Variants in EFCAB6 observed in about 807,000 individuals in gnomAD.
EFCAB6 encodes the protein EF-hand calcium-binding domain-containing protein 6.
In EFCAB6, 156 loss-of-function variants were observed where a neutral mutation model predicts 169.8. The ratio of observed to expected loss-of-function variants is 0.92; its 90% CI spans 0.81 to 1.05. The LOEUF (loss-of-function observed/expected upper bound fraction) is 1.05, where lower values mean the gene tolerates loss of function less well. Ranked by LOEUF, EFCAB6 falls within the 50% of genes least tolerant of loss-of-function variation. The pLI, the probability that EFCAB6 is intolerant of heterozygous loss-of-function variation, is 0.00. For missense variants in EFCAB6, 1,800 were observed against 1,829.1 expected (o/e 0.98, Z 0.29); for synonymous variants, 698 against 676.4 (o/e 1.03, Z -0.50).
chr22:43,714,636 A>G (rs4823091), intron 9 of EFCAB6, among the ~76,000 whole-genome samples: 133,657 of 151,986 alleles, frequency 0.88, 58,817 homozygotes, highest in East Asian at 0.99. Context: ...ATCCAATGCT[A>G]GAAGACAATG....
chr22:43,591,111 GTTTTTT>G (rs67053426), intron 23 of EFCAB6, among the ~76,000 whole-genome samples: 5 of 131,092 alleles, frequency 3.8e-5, no homozygotes, highest in Admixed American at 7.3e-5. Flanking sequence ...TTTGTTTTTT[GTTTTTT>G]TTTTTTGTTT....
Position 43,539,988 on chromosome 22 carries a change from C to T in EFCAB6, c.3879+139G>A. The T allele has an allele frequency of 1.3e-5, 11 of 867,796 alleles. No individual in the cohort carries two copies. In the South Asian group the frequency reaches 1.7e-4, roughly 13 times the overall value. The allele number at this position is 867,796 out of a possible 1,614,324, so 53.8% of individuals were successfully genotyped here. On this transcript the variant is annotated intron_variant, in intron 28 of 31. Coordinates refer to ENST00000262726, the MANE Select transcript of EFCAB6 (RefSeq NM_022785.4). ...TAAGGACCTGCCAGTGGGATCCTTG[C>T]ATGTGCCCCCACCCCAGACTCACCC... is the stretch of plus-strand genomic sequence containing the variant.
intron 2 of EFCAB6, among the ~76,000 whole-genome samples, chr22:43,805,223 A>G (rs2062875485): frequency 6.6e-6 from 1 of 152,250 alleles, no homozygotes; most frequent in Non-Finnish European, 1.5e-5. Context: ...TGAAGAGGAC[A>G]CCAAAAAACA....
intron 3 of EFCAB6, among the ~76,000 whole-genome samples, chr22:43,775,189 G>A (rs376160044): frequency 6.6e-6 from 1 of 152,168 alleles, no homozygotes; most frequent in East Asian, 1.9e-4. Context: ...TGGCCTGGGT[G>A]GCTGGGCAGG....
At chr22:43,646,030 C>T (rs1008384180) in intron 17 of EFCAB6, among the ~76,000 whole-genome samples, 17 of 152,118 alleles carry the variant, frequency 1.1e-4, no homozygotes, top group African/African-American at 3.1e-4. Context: ...GCGTGTTCTG[C>T]GGGCAGTGAA....
intron 8 of EFCAB6, among the ~76,000 whole-genome samples, chr22:43,725,290 C>T (rs1023440324): frequency 6.6e-6 from 1 of 152,132 alleles, no homozygotes; most frequent in East Asian, 1.9e-4. Flanking sequence ...TACAGGCATG[C>T]GCCACCACGC....
At chr22:43,569,870 G>A (rs1199485977) in intron 26 of EFCAB6, among the ~76,000 whole-genome samples, 1 of 152,158 alleles carries the variant, frequency 6.6e-6, no homozygotes, top group Non-Finnish European at 1.5e-5. Context: ...GTAAATAACA[G>A]TAATGCTAAT....
At chr22:43,565,493 G>C (rs755950884) in intron 26 of EFCAB6, among the ~76,000 whole-genome samples, 44 of 152,334 alleles carry the variant, frequency 2.9e-4, no homozygotes, top group Non-Finnish European at 2.9e-4. Context: ...TTAGGCATCA[G>C]TGTTCCACGA....
At chr22:43,540,436 G>A (rs761170775) in intron 27 of EFCAB6, 79 bp from the exon 28 acceptor site, 16 of 1,599,470 alleles carry the variant, frequency 1.0e-5, no homozygotes, top group Non-Finnish European at 1.3e-5. Flanking sequence ...CGAGAAGTGG[G>A]ACAGGCCGGC....
chr22:43,587,997 T>C (rs917926939), intron 24 of EFCAB6, among the ~76,000 whole-genome samples: 34 of 152,344 alleles, frequency 2.2e-4, no homozygotes, highest in Admixed American at 1.8e-3. Context: ...ACTCAAATAT[T>C]ACATGAGACA....
chr22:43,623,514 A>G (rs193216716), intron 20 of EFCAB6, among the ~76,000 whole-genome samples: 1 of 152,154 alleles, frequency 6.6e-6, no homozygotes, highest in African/African-American at 2.4e-5. Context: ...AACATTTTCC[A>G]AAGTATTGTG....
chr22:43,683,189 G>A (rs956234225), intron 12 of EFCAB6, among the ~76,000 whole-genome samples: 1 of 152,272 alleles, frequency 6.6e-6, no homozygotes, highest in South Asian at 2.1e-4. Context: ...ATGTTGCTGC[G>A]TATCAAAAGG....
intron 2 of EFCAB6, among the ~76,000 whole-genome samples, chr22:43,807,920 T>G (rs1021024792): frequency 6.6e-6 from 1 of 152,122 alleles, no homozygotes; most frequent in Non-Finnish European, 1.5e-5. Flanking sequence ...AATCAAAACC[T>G]TTGACGTCAA....
At chr22:43,784,452 A>G (rs2061936935) in intron 2 of EFCAB6, among the ~76,000 whole-genome samples, 1 of 146,340 alleles carries the variant, frequency 6.8e-6, no homozygotes, top group Non-Finnish European at 1.5e-5. Flanking sequence ...GGAGATCAAG[A>G]CCACCCTGGG....
intron 23 of EFCAB6, among the ~76,000 whole-genome samples, chr22:43,595,688 A>C (rs2051944651): frequency 6.6e-6 from 1 of 152,098 alleles, no homozygotes; most frequent in Admixed American, 6.5e-5. Context: ...ACTAATACCA[A>C]CTCTACCCAA....
chr22:43,779,307 T>C (rs991796117), intron 3 of EFCAB6, among the ~76,000 whole-genome samples: 4 of 152,238 alleles, frequency 2.6e-5, no homozygotes, highest in African/African-American at 9.6e-5. Context: ...ATTTATTTGC[T>C]TATTTGATGT....
At chr22:43,640,285 A>C (rs1218308044) in intron 17 of EFCAB6, among the ~76,000 whole-genome samples, 1 of 152,136 alleles carries the variant, frequency 6.6e-6, no homozygotes, top group African/African-American at 2.4e-5. Flanking sequence ...ATATGTTATA[A>C]ATCTTTATAT....
intron 9 of EFCAB6, 112 bp from the exon 10 acceptor site, chr22:43,711,735 A>C: frequency 7.7e-7 from 1 of 1,302,638 alleles, no homozygotes; most frequent in East Asian, 2.7e-5. Context: ...CCAAAAACTG[A>C]TCAAAAAGGT....
intron 10 of EFCAB6, among the ~76,000 whole-genome samples, chr22:43,704,295 T>C (rs1197479757): frequency 6.6e-6 from 1 of 151,866 alleles, no homozygotes; most frequent in Non-Finnish European, 1.5e-5. Flanking sequence ...GATTGAGAAA[T>C]AAAAACTCTC....
Sources: allele counts gnomAD v4.1 joint callset (sites outside exome capture counted in the v4.1 genomes callset), GRCh38; gene constraint gnomAD v4.1.1; transcripts MANE v1.5; gene names NCBI Gene and HGNC (gene_info 2026-07-23, HGNC 2026-07-21).